SIPA1L3: variants seen among roughly 807,000 people sequenced by gnomAD.
The protein encoded by SIPA1L3 is signal-induced proliferation-associated 1-like protein 3.
Under a neutral mutation model 150.1 loss-of-function variants are expected in SIPA1L3, and 59 were observed. The observed-to-expected ratio is 0.39, with a 90% confidence interval of 0.32 to 0.49. The LOEUF is 0.49. Among genes scored for constraint, SIPA1L3 ranks in the 20% least tolerant of loss-of-function variants. SIPA1L3 has a pLI of 0.86. For missense variants in SIPA1L3, 2,211 were observed against 2,489.5 expected (o/e 0.89, Z 2.38); for synonymous variants, 1,070 against 1,077.6 (o/e 0.99, Z 0.14).
chr19:37,973,853 A>T (rs771422346), intron 1 of SIPA1L3, among the ~76,000 whole-genome samples: 9 of 152,108 alleles, frequency 5.9e-5, no homozygotes, highest in Non-Finnish European at 1.2e-4. Context: ...TTCTCAGATG[A>T]CTGGATGGTG....
In SIPA1L3 at chr19:38,004,749, G is replaced by C. The variant is rs145798543; in HGVS notation, c.-378-24340G>C. ...CACTAGCAGGCTGGTTGCAAAACCT[G>C]CCATAGAGGAAGGGCGGGCTGGGTG... On this transcript the variant is annotated intron_variant, in intron 1 of 21. Transcript: ENST00000222345. Among the ~76,000 whole-genome samples the C allele has an allele frequency of 9.7e-4, 148 of 152,320 alleles. 2 individuals are homozygous for C. The East Asian group carries it at 0.019, about 20-fold the overall frequency.
intron 3 of SIPA1L3, among the ~76,000 whole-genome samples, chr19:38,084,703 G>A (rs555605566): frequency 6.8e-6 from 1 of 146,574 alleles, no homozygotes; most frequent in African/African-American, 2.5e-5. Context: ...ACAGTGGCGC[G>A]ATCTCAGCTC....
At chr19:38,101,896 C>T (rs1000002461) in intron 6 of SIPA1L3, among the ~76,000 whole-genome samples, 3 of 152,210 alleles carry the variant, frequency 2.0e-5, no homozygotes, top group Admixed American at 1.3e-4. Context: ...GGCAGAGTTG[C>T]GCCGTGTTCA....
intron 10 of SIPA1L3, among the ~76,000 whole-genome samples, chr19:38,131,324 G>T (rs1206312011): frequency 6.6e-6 from 1 of 152,208 alleles, no homozygotes; most frequent in Non-Finnish European, 1.5e-5. Context: ...TTACAAGGCG[G>T]GCAGAGAAGG....
chr19:38,150,410 G>A (rs547134173), intron 12 of SIPA1L3, among the ~76,000 whole-genome samples: 1 of 152,086 alleles, frequency 6.6e-6, no homozygotes, highest in South Asian at 2.1e-4. Flanking sequence ...GGATAAGTCA[G>A]TTACTTCCTC....
Position 38,198,652 on chromosome 19 carries a change from G to A in SIPA1L3, c.4984+120G>A, listed in dbSNP as rs890958738. On this transcript the variant is annotated intron_variant, in intron 19 of 21. Transcript: ENST00000222345. ...CTCAGGTTCCAGAATCAGGGAGCAG[G>A]GTTCAAGTCCTGCCCCGTCACTTGC... is the stretch of plus-strand genomic sequence containing the variant. The A allele has an allele frequency of 1.5e-5, 16 of 1,050,488 alleles. No individual in the cohort carries two copies. In the East Asian group the frequency reaches 3.4e-4, roughly 23 times the overall value. 65.1% of individuals were successfully genotyped at this position (1,050,488 alleles called of 1,614,324 possible). A position where few individuals can be genotyped will look rare whatever the true frequency, so the allele number is the denominator to read the frequency against.
At chr19:37,922,170 G>A (rs1411373111) in intron 1 of SIPA1L3, among the ~76,000 whole-genome samples, 4 of 151,600 alleles carry the variant, frequency 2.6e-5, no homozygotes, top group Admixed American at 6.6e-5. Flanking sequence ...CTGCAACCTC[G>A]GCCCCACCGG....
intron 1 of SIPA1L3, among the ~76,000 whole-genome samples, chr19:38,007,472 AAAAG>A (rs1967978953): frequency 1.3e-5 from 2 of 150,608 alleles, no homozygotes; most frequent in African/African-American, 4.9e-5. Flanking sequence ...AAAAAGAAAG[AAAAG>A]AAAAAAACAA....
In SIPA1L3 at chr19:38,141,509, C is replaced by T; in HGVS notation, c.3395+74C>T. ...CACCCATCCTCCGCCCCTCCCTCTC[C>T]TCACTATTTCCTCCATCCTCTTCCT... On this transcript the variant is annotated intron_variant, in intron 11 of 21. Transcript: ENST00000222345. The T allele has an allele frequency of 3.4e-6, 5 of 1,453,606 alleles. No homozygotes were observed. The South Asian group carries it at 6.3e-5, about 18-fold the overall frequency. 90.0% of individuals were successfully genotyped at this position (1,453,606 alleles called of 1,614,324 possible). A position where few individuals can be genotyped will look rare whatever the true frequency, so the allele number is the denominator to read the frequency against.
chr19:38,100,092 G>A lies in SIPA1L3; in HGVS notation c.1796G>A (p.Arg599Gln), dbSNP rs759396588. 3.8e-5 allele frequency: 62 copies of A among 1,610,958 alleles called. No individual in the cohort carries two copies. Among genetic ancestry groups the A allele is most frequent in the Non-Finnish European group, 4.8e-5 (57 of 1,178,834 alleles). The change falls in exon 5 of 22, where the codon CGG becomes CAG. Residue 599 changes from arginine (R) to glutamine (Q), a missense_variant. By Grantham distance (43) the Arg-to-Gln change is conservative (BLOSUM62 1). Coordinates refer to ENST00000222345, the MANE Select transcript of SIPA1L3 (RefSeq NM_015073.3). ...CCCGAGCTCAACATCCACTGCCTGC[G>A]GCTGGCCCTCAACACCCCCAAGGTG... is the stretch of plus-strand genomic sequence containing the variant. ...VIPELNIHCLRLALNTPKVTE... is the reference protein window; with the variant it reads ...VIPELNIHCLQLALNTPKVTE...
rs746360867 is a variant in SIPA1L3, at chr19:38,088,846, C to G, written c.1660C>G (p.Arg554Gly). 1.2e-6 allele frequency: 2 copies of G among 1,613,716 alleles called. No homozygotes were observed. Among genetic ancestry groups the G allele is most frequent in the Non-Finnish European group, 1.7e-6 (2 of 1,179,748 alleles). ...CCAGTACAGGATCATCTTCCGGACC[C>G]GCGAGGTAGGTCCCATCACTCTCGT... ...QYQYRIIFRT[R>G]ELITLRGSIL... Residue 554 changes from arginine (R) to glycine (G), a missense_variant, in exon 4 of 22, where the codon CGC becomes GGC. Arg to Gly is a moderately radical substitution (Grantham distance 125, BLOSUM62 -2). This residue lies in a region of SIPA1L3 where 625 missense variants were observed against 804.2 expected (regional missense o/e 0.78). Coordinates refer to ENST00000222345, the MANE Select transcript of SIPA1L3 (RefSeq NM_015073.3).
At position 37,927,673 on chromosome 19, in the gene SIPA1L3, GTGTGT is replaced by G. The variant is rs1568466839; in HGVS notation, c.-379+20316_-379+20320del. Among the ~76,000 whole-genome samples, 4 of 150,170 alleles carry G rather than the reference GTGTGT, an allele frequency of 2.7e-5. No individual in the cohort carries two copies. In the East Asian group the frequency reaches 7.8e-4, roughly 29 times the overall value. On this transcript the variant is annotated intron_variant, in intron 1 of 21. Transcript: ENST00000222345. ...ACATGGGGTGTGTGTGTGTGTGTGT[GTGTGT>G]GTGTGTGTGTGTGTATGCAATGTTT... is the stretch of plus-strand genomic sequence containing the variant.
At chr19:38,090,848 C>T (rs542930932) in intron 4 of SIPA1L3, among the ~76,000 whole-genome samples, 109 of 152,348 alleles carry the variant, frequency 7.2e-4, no homozygotes, top group African/African-American at 2.4e-3. Context: ...GACCTTCCCA[C>T]TGAGTTGGGG....
At chr19:38,101,021 T>A in intron 5 of SIPA1L3, 31 bp from the exon 6 acceptor site, 1 of 1,506,600 alleles carries the variant, frequency 6.6e-7, no homozygotes, top group Non-Finnish European at 8.9e-7. Flanking sequence ...CTGCCTGGCC[T>A]GCCTCCACAA....
At chr19:38,145,938 C>A (rs1303609163) in intron 12 of SIPA1L3, among the ~76,000 whole-genome samples, 1 of 152,010 alleles carries the variant, frequency 6.6e-6, no homozygotes, top group East Asian at 1.9e-4. Context: ...ATATAGCTCA[C>A]TGAAGCCTCA....
At chr19:38,106,485 CA>C (rs1191297292) in intron 6 of SIPA1L3, 51 bp from the exon 7 acceptor site, 3 of 1,272,792 alleles carry the variant, frequency 2.4e-6, no homozygotes, top group Non-Finnish European at 3.5e-6. Flanking sequence ...TGGGATATGG[CA>C]AAAACCCAGA....
rs1271442029 is a variant in SIPA1L3 at position 38,204,124 on chromosome 19, C to T, written c.5121-3C>T. 3 of 1,555,600 alleles carry T rather than the reference C, an allele frequency of 1.9e-6. No individual in the cohort carries two copies. Among genetic ancestry groups the T allele is most frequent in the East Asian group, 4.9e-5 (2 of 41,158 alleles). On this transcript the variant is annotated splice_region_variant and splice_polypyrimidine_tract_variant and intron_variant, in intron 20 of 21. Transcript: ENST00000222345. ...AGGCTGACCTTGTCCCTGGTTTTTCCAGCGAGGAGCCACCCCTGGATCTGA... is the reference window on the plus strand; with the variant it reads ...AGGCTGACCTTGTCCCTGGTTTTTCTAGCGAGGAGCCACCCCTGGATCTGA...
chr19:38,044,958 A>G (rs1402053629), intron 2 of SIPA1L3, among the ~76,000 whole-genome samples: 1 of 152,224 alleles, frequency 6.6e-6, no homozygotes, highest in Non-Finnish European at 1.5e-5. Context: ...GTTGTCAGGA[A>G]TCAATGAGAT....
chr19:38,143,542 CTTTTTTTTTTT>C (rs10669806), intron 12 of SIPA1L3, among the ~76,000 whole-genome samples: 1 of 79,978 alleles, frequency 1.3e-5, no homozygotes, highest in Non-Finnish European at 2.2e-5. Context: ...CTTTCTGTGT[CTTTTTTTTTTT>C]TTTTTTTTTT....
Sources: gnomAD v4.1 joint callset for allele counts (sites outside exome capture counted in the v4.1 genomes callset) on GRCh38, gnomAD v4.1.1 for gene constraint, gnomAD v4.1.1 regional missense constraint, MANE v1.5 for transcripts, NCBI Gene and HGNC (gene_info 2026-07-23, HGNC 2026-07-21) for gene names.